Variants in DAPK2 observed in about 807,000 individuals in gnomAD.
DAPK2 encodes death associated protein kinase 2, also known as death-associated protein kinase 2.
In DAPK2, 35 loss-of-function variants were observed where a neutral mutation model predicts 44.1. The observed-to-expected ratio is 0.79, with a 90% confidence interval of 0.61 to 1.05. DAPK2 has a LOEUF of 1.05. Among genes scored for constraint, DAPK2 ranks in the 50% least tolerant of loss-of-function variants. The pLI, the probability that DAPK2 is intolerant of heterozygous loss-of-function variation, is 0.00. For missense variants in DAPK2, 453 were observed against 483.2 expected (o/e 0.94, Z 0.59); for synonymous variants, 174 against 182.6 (o/e 0.95, Z 0.38).
At chr15:64,004,386 G>A (rs559130946) in intron 1 of DAPK2, among the ~76,000 whole-genome samples, 6 of 152,248 alleles carry the variant, frequency 3.9e-5, no homozygotes, top group African/African-American at 1.4e-4. Flanking sequence ...ATCTCTCTTT[G>A]TGATATTACC....
intron 2 of DAPK2, among the ~76,000 whole-genome samples, chr15:63,976,927 G>A (rs912751294): frequency 3.3e-5 from 5 of 152,154 alleles, no homozygotes; most frequent in African/African-American, 1.2e-4. Flanking sequence ...CTATTGGACA[G>A]CGCCAATAGG....
intron 1 of DAPK2, among the ~76,000 whole-genome samples, chr15:64,002,956 G>GGGACC (rs1567266491): frequency 2.8e-4 from 34 of 120,996 alleles, no homozygotes; most frequent in East Asian, 8.4e-4. Flanking sequence ...GTGTGTGTGT[G>GGGACC]TGTGTGTGTC....
rs370261995 is a variant in DAPK2, at chr15:64,035,081, T to C, written c.92+5089A>G. On this transcript the variant is annotated intron_variant, in intron 1 of 10. Coordinates refer to ENST00000261891, the Ensembl canonical transcript of DAPK2. Reference sequence around the variant, plus strand: ...TACTCGGGAGGCTGAGGCAGGAGAATCGCTTGAACCCGGTAGGCAGAGGTT... The same window carrying C: ...TACTCGGGAGGCTGAGGCAGGAGAACCGCTTGAACCCGGTAGGCAGAGGTT... 2.4e-4 allele frequency among the ~76,000 whole-genome samples: 36 copies of C among 151,760 alleles called. 1 individual carries two copies. The South Asian group carries it at 6.7e-3, about 28-fold the overall frequency.
intron 7 of DAPK2, among the ~76,000 whole-genome samples, chr15:63,925,222 C>T (rs1362831009): frequency 2.6e-5 from 4 of 152,164 alleles, no homozygotes; most frequent in Admixed American, 6.5e-5. Context: ...CTCCTGGATC[C>T]GTTCTCTGCC....
chr15:63,978,901 C>T (rs948700590), intron 2 of DAPK2, among the ~76,000 whole-genome samples: 1 of 152,222 alleles, frequency 6.6e-6, no homozygotes. Context: ...GCTGGAAATG[C>T]TTTTCAGACT....
In DAPK2 at chr15:64,032,260, G is replaced by A. The variant is rs1331805323; in HGVS notation, c.92+7910C>T. The stretch of plus-strand genomic sequence containing the variant: ...AATTAAATCTGACAGAAGGGAGTGG[G>A]GTGGATGGGGCAGGGCATGGCAGGT... On this transcript the variant is annotated intron_variant, in intron 1 of 10. Transcript: ENST00000261891. 2.0e-5 allele frequency among the ~76,000 whole-genome samples: 3 copies of A among 152,220 alleles called. No homozygotes were observed. In the East Asian group the frequency reaches 5.8e-4, roughly 29 times the overall value.
intron 2 of DAPK2, among the ~76,000 whole-genome samples, chr15:63,972,112 G>A (rs2078229846): frequency 6.6e-6 from 1 of 152,208 alleles, no homozygotes; most frequent in South Asian, 2.1e-4. Flanking sequence ...AGCCATCTAT[G>A]AGGAAGTGAA....
At chr15:64,015,380 C>T (rs2141043634) in intron 1 of DAPK2, among the ~76,000 whole-genome samples, 1 of 152,256 alleles carries the variant, frequency 6.6e-6, no homozygotes. Flanking sequence ...ACCACTTGAC[C>T]ACAACACTCA....
chr15:63,965,265 G>A (rs755225899), intron 3 of DAPK2, among the ~76,000 whole-genome samples: 1 of 152,220 alleles, frequency 6.6e-6, no homozygotes, highest in African/African-American at 2.4e-5. Context: ...ATCTGGTTTA[G>A]GAGGCAGAGA....
At chr15:64,036,541 T>C (rs2080218269) in intron 1 of DAPK2, among the ~76,000 whole-genome samples, 1 of 151,606 alleles carries the variant, frequency 6.6e-6, no homozygotes, top group South Asian at 2.1e-4. Flanking sequence ...TTCAGACTTC[T>C]GGCACCACTG....
At chr15:64,039,147 G>A (rs570075675) in intron 1 of DAPK2, among the ~76,000 whole-genome samples, 1 of 152,320 alleles carries the variant, frequency 6.6e-6, no homozygotes, top group South Asian at 2.1e-4. Flanking sequence ...TCCTGAGGCT[G>A]TCATGGGCAT....
chr15:63,988,131 C>T (rs570718262), intron 1 of DAPK2, among the ~76,000 whole-genome samples: 1 of 152,208 alleles, frequency 6.6e-6, no homozygotes, highest in Admixed American at 6.5e-5. Flanking sequence ...AGGAACACAC[C>T]CCTCTTCCCA....
At chr15:63,928,890 C>T (rs979073355) in intron 6 of DAPK2, among the ~76,000 whole-genome samples, 3 of 152,152 alleles carry the variant, frequency 2.0e-5, no homozygotes, top group Admixed American at 6.5e-5. Context: ...TAAGTAGCTT[C>T]ACAGGGCTGT....
At chr15:63,952,445 G>A (rs1313324345) in intron 3 of DAPK2, among the ~76,000 whole-genome samples, 1 of 152,100 alleles carries the variant, frequency 6.6e-6, no homozygotes, top group Non-Finnish European at 1.5e-5. Flanking sequence ...CACAAACAGA[G>A]GAGAAGAGAG....
chr15:63,953,024 G>A (rs2077633295), intron 3 of DAPK2, among the ~76,000 whole-genome samples: 1 of 151,952 alleles, frequency 6.6e-6, no homozygotes, highest in Admixed American at 6.6e-5. Context: ...GGAACAGGTG[G>A]TGTTTGGTTA....
intron 1 of DAPK2, among the ~76,000 whole-genome samples, chr15:64,027,727 A>C (rs1380548578): frequency 6.6e-6 from 1 of 152,256 alleles, no homozygotes; most frequent in Non-Finnish European, 1.5e-5. Context: ...TTCATAAACT[A>C]ACAAAAATAC....
At chr15:63,937,178 G>C (rs1236104300) in intron 4 of DAPK2, among the ~76,000 whole-genome samples, 1 of 152,068 alleles carries the variant, frequency 6.6e-6, no homozygotes, top group East Asian at 1.9e-4. Flanking sequence ...TCACAATTTA[G>C]CCAAGAGGTT....
upstream of DAPK2, chr15:64,040,365 A>T (rs2080320254): frequency 2.3e-6 from 2 of 885,266 alleles, no homozygotes; most frequent in Non-Finnish European, 1.9e-6. Context: ...GGGAGCTAAT[A>T]ATTTAGTAAT....
intron 1 of DAPK2, among the ~76,000 whole-genome samples, chr15:64,033,304 G>T (rs2080080097): frequency 7.2e-6 from 1 of 139,086 alleles, no homozygotes; most frequent in African/African-American, 2.6e-5. Flanking sequence ...AAGGAAGGAA[G>T]GAAGGAAGGA....
Sources: gnomAD v4.1 joint callset for allele counts (sites outside exome capture counted in the v4.1 genomes callset) on GRCh38, gnomAD v4.1.1 for gene constraint, MANE v1.5 for transcripts, NCBI Gene and HGNC (gene_info 2026-07-23, HGNC 2026-07-21) for gene names.